The following TJP1 variants were observed in gnomAD, a reference collection of about 807,000 sequenced individuals.
TJP1 encodes tight junction protein ZO-1.
TJP1 carries 43 observed loss-of-function variants against 194.2 expected under a neutral mutation model. That is an observed-to-expected ratio of 0.22 (90% confidence interval 0.17 to 0.29). The LOEUF (loss-of-function observed/expected upper bound fraction) is 0.29, where lower values mean the gene tolerates loss of function less well. Ranked by LOEUF, TJP1 falls within the 10% of genes least tolerant of loss-of-function variation. The probability of loss-of-function intolerance (pLI) is 1.00; values close to 1 mark genes in which losing one functional copy is unlikely to be tolerated. For missense variants in TJP1, 1,971 were observed against 2,185.7 expected (o/e 0.90, Z 1.96); for synonymous variants, 801 against 779.0 (o/e 1.03, Z -0.47).
At chr15:29,874,504 G>A (rs542513041) in intron 2 of TJP1, among the ~76,000 whole-genome samples, 41 of 152,130 alleles carry the variant, frequency 2.7e-4, no homozygotes, top group African/African-American at 8.2e-4. Flanking sequence ...ACAATACCCC[G>A]GGTTAAAAAA....
rs544021884 is a variant in TJP1 at position 29,811,701 on chromosome 15, C to G, written c.27+10301G>C. The stretch of plus-strand genomic sequence containing the variant: ...AAAGTATCTCAGGAACCCAAGGAAC[C>G]TTCCTCTGAAACCATAAAACATCTT... On this transcript the variant is annotated intron_variant, in intron 1 of 27. Coordinates refer to ENST00000614355, the MANE Select transcript of TJP1 (RefSeq NM_001330239.4). 9.2e-5 allele frequency among the ~76,000 whole-genome samples: 14 copies of G among 152,100 alleles called. No homozygotes were observed. The South Asian group carries it at 2.9e-3, about 32-fold the overall frequency.
rs1160762764 is a variant in TJP1, at chr15:29,762,412, T to C, written c.616A>G (p.Ile206Val). Residue 206 changes from isoleucine to valine, a missense_variant, in exon 6 of 28, where the codon ATA (isoleucine) becomes GTA (valine). By Grantham distance (29) the Ile-to-Val change is conservative. Coordinates refer to ENST00000614355, the MANE Select transcript of TJP1 (RefSeq NM_001330239.4). ...TCTTGTGAAATTTCCTTAACAAATA[T>C]ATGGCTTGCCAATCGAAGACCATAT... ...EEYGLRLASH[I>V]FVKEISQDSL... is the part of the protein sequence containing the mutation. 1.2e-6 allele frequency: 2 copies of C among 1,613,566 alleles called. No individual in the cohort carries two copies. The highest frequency in any genetic ancestry group is 1.1e-5 in the South Asian group (1 of 91,026).
chr15:29,962,129 CA>C (rs1195884928), intron 1 of TJP1, among the ~76,000 whole-genome samples: 2 of 152,176 alleles, frequency 1.3e-5, no homozygotes, highest in African/African-American at 2.4e-5. Flanking sequence ...GACAGAGATA[CA>C]AATTTTCACT....
At chr15:29,869,687 C>A (rs1045049252) in intron 2 of TJP1, among the ~76,000 whole-genome samples, 1 of 152,016 alleles carries the variant, frequency 6.6e-6, no homozygotes, top group African/African-American at 2.4e-5. Context: ...ACAGACACCG[C>A]ATCACCCGCT....
intron 2 of TJP1, among the ~76,000 whole-genome samples, chr15:29,864,288 G>A (rs962005035): frequency 7.0e-5 from 10 of 143,736 alleles, no homozygotes; most frequent in Admixed American, 6.4e-4. Context: ...GTGTGTGCCT[G>A]TAATCCCAGC....
intron 5 of TJP1, among the ~76,000 whole-genome samples, chr15:29,764,555 T>G (rs901156510): frequency 6.6e-6 from 1 of 151,914 alleles, no homozygotes; most frequent in Admixed American, 6.6e-5. Context: ...TGACAGTGGC[T>G]TGGAAAAGGG....
At chr15:29,764,028 C>G (rs1007437993) in intron 5 of TJP1, among the ~76,000 whole-genome samples, 1 of 152,038 alleles carries the variant, frequency 6.6e-6, no homozygotes, top group African/African-American at 2.4e-5. Flanking sequence ...TTAGTTTGTT[C>G]GTTCATTCTA....
At chr15:29,921,850 T>TTC (rs2054372138) in intron 2 of TJP1, among the ~76,000 whole-genome samples, 1 of 151,754 alleles carries the variant, frequency 6.6e-6, no homozygotes, top group African/African-American at 2.4e-5. Context: ...TTTCTTTCTT[T>TTC]TTTTTTTCTC....
intron 1 of TJP1, 149 bp from the exon 2 acceptor site, chr15:29,800,851 GA>G: frequency 1.4e-6 from 1 of 726,314 alleles, no homozygotes; most frequent in Non-Finnish European, 2.1e-6. Flanking sequence ...AATAATTATG[GA>G]AAGTTTTTTG....
chr15:29,839,365 G>A (rs2051147113), intron 2 of TJP1, among the ~76,000 whole-genome samples: 1 of 151,992 alleles, frequency 6.6e-6, no homozygotes, highest in Non-Finnish European at 1.5e-5. Context: ...ATAGTGGCTG[G>A]GTACAGTAGC....
At chr15:29,776,789 G>A (rs28729338) in intron 2 of TJP1, among the ~76,000 whole-genome samples, 1,924 of 152,220 alleles carry the variant, frequency 0.013, 44 homozygotes, top group African/African-American at 0.045. Flanking sequence ...TATCAAAAGA[G>A]TCTTTAAGTA....
At chr15:29,891,810 C>T (rs1353198004) in intron 2 of TJP1, among the ~76,000 whole-genome samples, 1 of 152,154 alleles carries the variant, frequency 6.6e-6, no homozygotes, top group Non-Finnish European at 1.5e-5. Context: ...CCATCTCTTC[C>T]CCTCTCTGCA....
chr15:29,728,038 C>A lies in TJP1; in HGVS notation c.2018-19G>T. On this transcript the variant is annotated intron_variant, in intron 15 of 27. Coordinates refer to ENST00000614355, the MANE Select transcript of TJP1 (RefSeq NM_001330239.4). ...TCACTCTCTATTCATTATGTCAGGA[C>A]AAAAATAAGACATCAAATTTTCACT... 1.9e-6 allele frequency: 3 copies of A among 1,608,536 alleles called. No homozygotes were observed. Among genetic ancestry groups the A allele is most frequent in the Non-Finnish European group, 2.6e-6 (3 of 1,175,238 alleles).
intron 2 of TJP1, among the ~76,000 whole-genome samples, chr15:29,915,353 A>G (rs1664892404): frequency 6.6e-6 from 1 of 152,136 alleles, no homozygotes; most frequent in African/African-American, 2.4e-5. Context: ...CTGGCCAACT[A>G]CTATAAGAAT....
rs1052302619 is a variant in TJP1, at chr15:29,968,135, G to A, written c.173+532C>T. ...GTTTCCAGGTCGGAGGAACTGGAAC[G>A]CATGCAGGTGGAATACAGTCCCTGA... On this transcript the variant is annotated intron_variant, in intron 1 of 28. Transcript: ENST00000356107. 4.1e-6 allele frequency: 4 copies of A among 985,290 alleles called. No individual in the cohort carries two copies. In the African/African-American group the frequency reaches 7.0e-5, roughly 17 times the overall value. 61.0% of individuals were successfully genotyped at this position (985,290 alleles called of 1,614,324 possible). A position where few individuals can be genotyped will look rare whatever the true frequency, so the allele number is the denominator to read the frequency against.
intron 2 of TJP1, among the ~76,000 whole-genome samples, chr15:29,875,040 A>T (rs906509588): frequency 1.7e-4 from 26 of 152,226 alleles, no homozygotes; most frequent in Admixed American, 1.6e-3. Context: ...CAGAAAAGTG[A>T]CTTGCCTAAA....
chr15:29,811,966 CTG>C (rs1183633117), intron 1 of TJP1, among the ~76,000 whole-genome samples: 4 of 152,202 alleles, frequency 2.6e-5, no homozygotes, highest in Non-Finnish European at 5.9e-5. Flanking sequence ...TGCCTCCTCT[CTG>C]ATATTAAAAT....
chr15:29,780,913 A>G (rs967810084), intron 2 of TJP1, among the ~76,000 whole-genome samples: 13 of 152,122 alleles, frequency 8.5e-5, no homozygotes, highest in Admixed American at 7.9e-4. Context: ...TACATTAACA[A>G]CCTAACATCA....
intron 2 of TJP1, among the ~76,000 whole-genome samples, chr15:29,876,610 A>G (rs933008775): frequency 6.6e-5 from 10 of 152,194 alleles, no homozygotes; most frequent in African/African-American, 2.2e-4. Context: ...GGCTGAAGAC[A>G]ATTCTTCCAA....
Sources: allele counts gnomAD v4.1 joint callset (sites outside exome capture counted in the v4.1 genomes callset), GRCh38; gene constraint gnomAD v4.1.1; transcripts MANE v1.5; gene names NCBI Gene and HGNC (gene_info 2026-07-23, HGNC 2026-07-21).